GTF2IRD1: variants seen among roughly 807,000 people sequenced by gnomAD.
GTF2IRD1 encodes GTF2I repeat domain containing 1.
A neutral mutation model predicts 113.2 loss-of-function variants in GTF2IRD1; 26 were observed. That is an observed-to-expected ratio of 0.23 (90% CI 0.17 to 0.32). The LOEUF (loss-of-function observed/expected upper bound fraction) is 0.32. Ranked by LOEUF, GTF2IRD1 falls within the 10% of genes least tolerant of loss-of-function variation. The probability of loss-of-function intolerance (pLI) is 1.00; values close to 1 mark genes in which losing one functional copy is unlikely to be tolerated. For synonymous variants in GTF2IRD1, 484 were observed against 529.1 expected (o/e 0.91, Z 1.17); for missense variants, 864 against 1,280.8 (o/e 0.67, Z 4.97).
chr7:74,496,492 T>G (rs59807050), intron 1 of GTF2IRD1, among the ~76,000 whole-genome samples: 20,152 of 132,514 alleles, frequency 0.15, 1,354 homozygotes, highest in Middle Eastern at 0.2. Flanking sequence ...CGTATGTGTG[T>G]GTGTGTGTGT....
At chr7:74,488,792 C>T (rs1319049477) in intron 1 of GTF2IRD1, among the ~76,000 whole-genome samples, 5 of 150,790 alleles carry the variant, frequency 3.3e-5, no homozygotes, top group African/African-American at 9.8e-5. Flanking sequence ...AACTCTAGTC[C>T]TGGGGGGGTA....
intron 1 of GTF2IRD1, among the ~76,000 whole-genome samples, chr7:74,464,746 G>A (rs1027303323): frequency 3.9e-5 from 6 of 152,114 alleles, no homozygotes; most frequent in Non-Finnish European, 8.8e-5. Context: ...AAGCCACCGC[G>A]CCCAGCTGGT....
At chr7:74,490,546 C>A (rs4998497) in intron 1 of GTF2IRD1, among the ~76,000 whole-genome samples, 14 of 149,174 alleles carry the variant, frequency 9.4e-5, no homozygotes, top group South Asian at 2.1e-4. Flanking sequence ...AAGGATACCC[C>A]CCCCCCCGCC....
At chr7:74,487,361 A>C (rs1554335757) in intron 1 of GTF2IRD1, 1 of 152,130 alleles carries the variant, frequency 6.6e-6, no homozygotes. Flanking sequence ...CTTTGTCTCT[A>C]TTCCCTTTCT....
At chr7:74,545,329 C>G (rs1798857123) in intron 15 of GTF2IRD1, among the ~76,000 whole-genome samples, 1 of 152,000 alleles carries the variant, frequency 6.6e-6, no homozygotes, top group African/African-American at 2.4e-5. Context: ...ATTGTCACTT[C>G]CCCAAACCCA....
chr7:74,474,306 G>A (rs1225122205), intron 1 of GTF2IRD1, among the ~76,000 whole-genome samples: 1 of 152,206 alleles, frequency 6.6e-6, no homozygotes, highest in African/African-American at 2.4e-5. Context: ...CACAATGCCT[G>A]CAGGAAGCCC....
rs186385944 is a variant in GTF2IRD1 at position 74,551,030 on chromosome 7, G to A, written c.1916+3744G>A. On this transcript the variant is annotated intron_variant, in intron 17 of 26. Transcript: ENST00000424337. ...CACTCCAGTCTGGGTGACAGAGCAA[G>A]ACCTCGTCCCTTTAAAAATACAAAG... Among the ~76,000 whole-genome samples, 921 of 151,890 alleles carry A rather than the reference G, an allele frequency of 6.1e-3. 14 individuals carry two copies. Among genetic ancestry groups the A allele is most frequent in the African/African-American group, 0.02 (847 of 41,372 alleles).
chr7:74,535,173 C>T (rs1554349927), intron 10 of GTF2IRD1, 35 bp downstream of exon 10: 6 of 1,590,604 alleles, frequency 3.8e-6, no homozygotes, highest in Non-Finnish European at 5.2e-6. Context: ...TCTGAAGTTT[C>T]CGGATTGGTT....
Position 74,559,037 on chromosome 7 carries a change from G to T in GTF2IRD1, c.2284G>T (p.Val762Phe). Reference sequence around the variant, plus strand: ...TGTGGCTGACAAGATCAAGTTCACAGTCACCAGGTACTCAGTGGGAAGGGT... The same window carrying T: ...TGTGGCTGACAAGATCAAGTTCACATTCACCAGGTACTCAGTGGGAAGGGT... The part of the protein sequence containing the change: ...LAVADKIKFT[V>F]TRPFQGLIPK... Residue 762 changes from valine (V) to phenylalanine (F), a missense_variant, in exon 21 of 27, where the codon GTC becomes TTC. Transcript: ENST00000424337. 6.2e-7 allele frequency: 1 copy of T among 1,613,720 alleles called. No individual in the cohort carries two copies. The highest frequency in any genetic ancestry group is 8.5e-7 in the Non-Finnish European group (1 of 1,179,820).
Position 74,589,802 on chromosome 7 carries a change from G to A in GTF2IRD1, c.2321-49G>A, listed in dbSNP as rs370342039. 86 of 1,185,416 alleles carry A rather than the reference G, an allele frequency of 7.3e-5. No homozygotes were observed. In the African/African-American group the frequency reaches 1.1e-3, roughly 15 times the overall value. 73.4% of individuals were successfully genotyped at this position (1,185,416 alleles called of 1,614,324 possible). A position where few individuals can be genotyped will look rare whatever the true frequency, so the allele number is the denominator to read the frequency against. ...CCTGGTGGGAGAAGCAGCAGGTCCA[G>A]TGGCTAAGCTGGTGCCAACTCTCAT... On this transcript the variant is annotated intron_variant, in intron 22 of 26. Coordinates refer to ENST00000424337, the MANE Select transcript of GTF2IRD1 (RefSeq NM_005685.4).
At chr7:74,590,711 C>T in intron 23 of GTF2IRD1, 114 bp from the exon 24 acceptor site, 1 of 649,866 alleles carries the variant, frequency 1.5e-6, no homozygotes, top group Middle Eastern at 4.5e-4. Context: ...TTTTTAAACT[C>T]TCTGGGTGTG....
At chr7:74,467,589 C>G (rs1171656704) in intron 1 of GTF2IRD1, among the ~76,000 whole-genome samples, 4 of 152,204 alleles carry the variant, frequency 2.6e-5, no homozygotes, top group African/African-American at 9.6e-5. Flanking sequence ...CAACCTCCAC[C>G]TCCCAGGTTC....
intron 1 of GTF2IRD1, among the ~76,000 whole-genome samples, chr7:74,483,560 A>T (rs1295268804): frequency 3.3e-5 from 5 of 152,072 alleles, no homozygotes; most frequent in South Asian, 4.1e-4. Flanking sequence ...AAAAATTTTT[A>T]AAAATCAGGC....
chr7:74,484,599 C>T (rs190824425), intron 1 of GTF2IRD1, among the ~76,000 whole-genome samples: 8 of 152,092 alleles, frequency 5.3e-5, no homozygotes, highest in African/African-American at 1.7e-4. Flanking sequence ...GCTGTGATTA[C>T]AGGCACCTGC....
At position 74,599,309 on chromosome 7, in the gene GTF2IRD1, G is replaced by C. The variant is rs181748755; in HGVS notation, c.2630-1735G>C. 1.7e-3 allele frequency among the ~76,000 whole-genome samples: 255 copies of C among 152,244 alleles called. 2 individuals are homozygous for C. The highest frequency in any genetic ancestry group is 2.6e-3 in the Non-Finnish European group (180 of 68,024). On this transcript the variant is annotated intron_variant, in intron 25 of 26. Transcript: ENST00000424337. ...TAAAAGCCCTTCTTTATTGGGCTGGGCGAGGTTTCCATGCAGTAATCCATC... is the reference window on the plus strand; with the variant it reads ...TAAAAGCCCTTCTTTATTGGGCTGGCCGAGGTTTCCATGCAGTAATCCATC...
At chr7:74,542,689 A>G (rs11514674) in intron 14 of GTF2IRD1, among the ~76,000 whole-genome samples, 13,650 of 152,332 alleles carry the variant, frequency 0.09, 849 homozygotes, top group Middle Eastern at 0.14. Flanking sequence ...GTAGCTATCC[A>G]GAGAGTTTGG....
intron 1 of GTF2IRD1, among the ~76,000 whole-genome samples, chr7:74,494,096 TTTC>T (rs1795514306): frequency 6.6e-6 from 1 of 152,162 alleles, no homozygotes; most frequent in Admixed American, 6.6e-5. Flanking sequence ...ACAACAGTCA[TTTC>T]TTCTTTTACT....
chr7:74,503,257 G>C (rs970722416), intron 1 of GTF2IRD1, among the ~76,000 whole-genome samples: 3 of 152,114 alleles, frequency 2.0e-5, no homozygotes, highest in Non-Finnish European at 2.9e-5. Flanking sequence ...GCACTGAACA[G>C]CAGGTGTTGG....
intron 1 of GTF2IRD1, chr7:74,507,766 G>T (rs782007234): frequency 1.5e-4 from 43 of 295,320 alleles, no homozygotes; most frequent in Middle Eastern, 2.2e-3. Context: ...GCTGTGGCCA[G>T]AATTGCACAC....
Sources: allele counts gnomAD v4.1 joint callset (sites outside exome capture counted in the v4.1 genomes callset), GRCh38; gene constraint gnomAD v4.1.1; transcripts MANE v1.5; gene names NCBI Gene and HGNC (gene_info 2026-07-23, HGNC 2026-07-21).